The following ALDH1A3 variants were observed in gnomAD, a reference collection of about 807,000 sequenced individuals.
ALDH1A3 encodes retinaldehyde dehydrogenase 3.
ALDH1A3 carries 28 observed loss-of-function variants against 57.5 expected under a neutral mutation model. The observed-to-expected ratio is 0.49, with a 90% CI of 0.36 to 0.67. The LOEUF (loss-of-function observed/expected upper bound fraction) is 0.67, where lower values mean the gene tolerates loss of function less well. Ranked by LOEUF, ALDH1A3 falls within the 30% of genes least tolerant of loss-of-function variation. The pLI is 0.00. For synonymous variants in ALDH1A3, 281 were observed against 264.8 expected (o/e 1.06, Z -0.59); for missense variants, 507 against 669.4 (o/e 0.76, Z 2.68).
chr15:100,889,852 G>A lies in ALDH1A3; in HGVS notation c.345+2140G>A, dbSNP rs2041631864. 6.6e-6 allele frequency among the ~76,000 whole-genome samples: 1 copy of A among 152,184 alleles called. No homozygotes were observed. The highest frequency in any genetic ancestry group is 1.5e-5 in the Non-Finnish European group (1 of 68,030). ...CCAGCTCTTTGCCACAACATGAAAG[G>A]GACAAGAGAATTACTGGCAAACACG... On this transcript the variant is annotated intron_variant, in intron 3 of 12. Transcript: ENST00000329841. The surrounding 1 kb of genome is among the most constrained non-coding windows in gnomAD (Gnocchi z 5.1).
At position 100,895,917 on chromosome 15, in the gene ALDH1A3, C is replaced by A. The variant is rs747866340; in HGVS notation, c.667-16C>A. Reference sequence around the variant, plus strand: ...AAGTCCGTTCTTCTTCAAGTGCTATCTTGATTTCTTCCCAGGCCGGGTTCC... The same window carrying A: ...AAGTCCGTTCTTCTTCAAGTGCTATATTGATTTCTTCCCAGGCCGGGTTCC... On this transcript the variant is annotated splice_polypyrimidine_tract_variant and intron_variant, in intron 6 of 12. Transcript: ENST00000329841. 8 of 1,602,144 alleles carry A rather than the reference C, an allele frequency of 5.0e-6. No homozygotes were observed. In the East Asian group the frequency reaches 1.3e-4, roughly 27 times the overall value.
chr15:100,891,412 C>T (rs1286053384), intron 3 of ALDH1A3, among the ~76,000 whole-genome samples: 1 of 152,234 alleles, frequency 6.6e-6, no homozygotes, highest in Non-Finnish European at 1.5e-5. Flanking sequence ...GGCTGCCCTG[C>T]AGTCTTTCCA....
At chr15:100,913,224 T>C (rs1334264758) in intron 12 of ALDH1A3, 1 of 152,218 alleles carries the variant, frequency 6.6e-6, no homozygotes, top group Non-Finnish European at 1.5e-5. Flanking sequence ...GTAAGTTTAT[T>C]AGTCTTTTAT....
intron 12 of ALDH1A3, chr15:100,914,230 C>T (rs2041909103): frequency 6.5e-6 from 1 of 154,728 alleles, no homozygotes; most frequent in African/African-American, 2.4e-5. Context: ...CCTCTGGCCA[C>T]ATCCCCAGCC....
chr15:100,905,695 G>A lies in ALDH1A3; in HGVS notation c.1233+8G>A, dbSNP rs3825924. Reference sequence around the variant, plus strand: ...CGGATTGCCAAAGAGGAGGTACAAGGGGGCTGTGGCAAGGCTACGACTTGC... The same window carrying A: ...CGGATTGCCAAAGAGGAGGTACAAGAGGGCTGTGGCAAGGCTACGACTTGC... On this transcript the variant is annotated splice_region_variant and intron_variant, in intron 10 of 12. Coordinates refer to ENST00000329841, the MANE Select transcript of ALDH1A3 (RefSeq NM_000693.4). The A allele has an allele frequency of 0.19, 295,935 of 1,551,604 alleles. 31,763 individuals are homozygous for A. The highest frequency in any genetic ancestry group is 0.53 in the East Asian group (22,710 of 43,248).
chr15:100,904,415 G>C (rs765235282), intron 9 of ALDH1A3, among the ~76,000 whole-genome samples: 1 of 152,198 alleles, frequency 6.6e-6, no homozygotes, highest in African/African-American at 2.4e-5. Context: ...TGGCATGCAC[G>C]GTTTATGCCC....
chr15:100,910,981 C>T (rs1353021884), intron 12 of ALDH1A3, among the ~76,000 whole-genome samples: 3 of 152,252 alleles, frequency 2.0e-5, no homozygotes, highest in Non-Finnish European at 1.5e-5. Context: ...CCTCGCCTGG[C>T]ACAGAGCAGG....
At chr15:100,898,496 G>A (rs1358604746) in intron 8 of ALDH1A3, among the ~76,000 whole-genome samples, 1 of 152,256 alleles carries the variant, frequency 6.6e-6, no homozygotes, top group Non-Finnish European at 1.5e-5. Context: ...CAGAGCTGGG[G>A]TCACGAGGAG....
At chr15:100,911,529 G>T (rs2041883920) in intron 12 of ALDH1A3, among the ~76,000 whole-genome samples, 1 of 152,190 alleles carries the variant, frequency 6.6e-6, no homozygotes, top group Non-Finnish European at 1.5e-5. Context: ...TGTTCACTTG[G>T]CAAATACTTC....
chr15:100,908,164 T>C (rs542457670), intron 11 of ALDH1A3, among the ~76,000 whole-genome samples: 1 of 152,224 alleles, frequency 6.6e-6, no homozygotes, highest in East Asian at 1.9e-4. Flanking sequence ...TTCTTTTTTC[T>C]CCCCTTATCA....
chr15:100,884,917 G>T (rs1468632492), intron 1 of ALDH1A3, among the ~76,000 whole-genome samples: 1 of 152,124 alleles, frequency 6.6e-6, no homozygotes, highest in African/African-American at 2.4e-5. Context: ...GTCTATTGGG[G>T]TATGAGATTC....
In ALDH1A3 at chr15:100,887,484, C is replaced by A. The variant is rs2041607489; in HGVS notation, c.205-88C>A. On this transcript the variant is annotated intron_variant, in intron 2 of 12. Coordinates refer to ENST00000329841, the MANE Select transcript of ALDH1A3 (RefSeq NM_000693.4). This position sits in a 1 kb window ranked among gnomAD's most constrained non-coding sequence, Gnocchi z 4.6. ...ACTGCAGTCACCTCAAAAGATGACA[C>A]CCAAACTTCAGTCACGTCAAAAGAT... 5 of 1,423,282 alleles carry A rather than the reference C, an allele frequency of 3.5e-6. No homozygotes were observed. The South Asian group carries it at 6.3e-5, about 18-fold the overall frequency. 88.2% of individuals were successfully genotyped at this position (1,423,282 alleles called of 1,614,324 possible).
intron 9 of ALDH1A3, among the ~76,000 whole-genome samples, chr15:100,902,736 T>C (rs1404375741): frequency 6.6e-6 from 1 of 152,228 alleles, no homozygotes; most frequent in Non-Finnish European, 1.5e-5. Context: ...CTTCCTGTAC[T>C]GTAAGGCACC....
chr15:100,906,582 T>A lies in ALDH1A3; in HGVS notation c.1234-539T>A, dbSNP rs1206354372. 6.6e-6 allele frequency among the ~76,000 whole-genome samples: 1 copy of A among 152,238 alleles called. No homozygotes were observed. Among genetic ancestry groups the A allele is most frequent in the African/African-American group, 2.4e-5 (1 of 41,452 alleles). On this transcript the variant is annotated intron_variant, in intron 10 of 12. Coordinates refer to ENST00000329841, the MANE Select transcript of ALDH1A3 (RefSeq NM_000693.4). This position sits in a 1 kb window ranked among gnomAD's most constrained non-coding sequence, Gnocchi z 4.8. ...TACAAGCTCCCTTCAAAATCACCTT[T>A]AAATGTTCAAGCCTTAGTTCTTCCA... is the stretch of plus-strand genomic sequence containing the variant.
At chr15:100,897,760 G>A (rs1372727528) in intron 7 of ALDH1A3, among the ~76,000 whole-genome samples, 1 of 152,232 alleles carries the variant, frequency 6.6e-6, no homozygotes, top group Admixed American at 6.5e-5. Flanking sequence ...AGCCTGCTGG[G>A]CTCAGAAGGA....
At chr15:100,903,139 TTCCCGCCCC>T (rs1313540668) in intron 9 of ALDH1A3, among the ~76,000 whole-genome samples, 1 of 151,632 alleles carries the variant, frequency 6.6e-6, no homozygotes, top group Admixed American at 6.6e-5. Flanking sequence ...AGTGAAAGGA[TTCCCGCCCC>T]TCCCGCCCCC....
At chr15:100,883,481 A>C (rs1239797948) in intron 1 of ALDH1A3, among the ~76,000 whole-genome samples, 1 of 152,160 alleles carries the variant, frequency 6.6e-6, no homozygotes, top group Non-Finnish European at 1.5e-5. Context: ...AGCTTCCAGA[A>C]GCCAGACAGG....
intron 8 of ALDH1A3, among the ~76,000 whole-genome samples, chr15:100,898,803 C>T (rs1467054951): frequency 1.3e-5 from 2 of 152,188 alleles, no homozygotes; most frequent in Admixed American, 6.5e-5. Context: ...AACGACACAG[C>T]GTTAAAATAT....
rs1282628739 is a variant in ALDH1A3, at chr15:100,892,563, C to A, written c.399C>A (p.Asp133Glu). 2.5e-6 allele frequency: 4 copies of A among 1,613,070 alleles called. No individual in the cohort carries two copies. The highest frequency in any genetic ancestry group is 3.3e-4 in the Middle Eastern group (2 of 6,056). Reference sequence around the variant, plus strand: ...CATTTCTTCATGCTTTTTTCATCGACCTGGAGGGCTGTATTAGAACCCTCA... The same window carrying A: ...CATTTCTTCATGCTTTTTTCATCGAACTGGAGGGCTGTATTAGAACCCTCA... ...GKPFLHAFFI[D>E]LEGCIRTLRY... Residue 133 changes from aspartate to glutamate, a missense_variant, in exon 4 of 13, where the codon GAC (aspartate) becomes GAA (glutamate). By Grantham distance (45) the Asp-to-Glu change is conservative. Coordinates refer to ENST00000329841, the MANE Select transcript of ALDH1A3 (RefSeq NM_000693.4).
Sources: allele counts gnomAD v4.1 joint callset (sites outside exome capture counted in the v4.1 genomes callset), GRCh38; gene constraint gnomAD v4.1.1; non-coding constraint Gnocchi (gnomAD v3.1); transcripts MANE v1.5; gene names NCBI Gene and HGNC (gene_info 2026-07-23, HGNC 2026-07-21).